The following AMZ1 variants were observed in gnomAD, a reference collection of about 807,000 sequenced individuals.
AMZ1 encodes the protein archaemetzincin-1.
In AMZ1, 39 loss-of-function variants were observed where a neutral mutation model predicts 29.9. The ratio of observed to expected loss-of-function variants is 1.30; its 90% CI spans 1.01 to 1.70. The LOEUF is 1.70. Ranked by LOEUF, AMZ1 falls within the 40% of genes most tolerant of loss-of-function variation. AMZ1 has a pLI of 0.00. For synonymous variants in AMZ1, 458 were observed against 304.0 expected, an observed-to-expected ratio of 1.51 and a Z score of -5.27; for missense variants, 1,041 against 680.6, an observed-to-expected ratio of 1.53 and a Z score of -5.89.
At chr7:2,748,159 C>G (rs1790858288) in intron 4 of AMZ1, among the ~76,000 whole-genome samples, 1 of 150,816 alleles carries the variant, frequency 6.6e-6, no homozygotes, top group African/African-American at 2.4e-5. Flanking sequence ...GAAAAAACTA[C>G]TTTAAAGTTC....
chr7:2,732,770 G>A (rs1358880085), intron 4 of AMZ1, among the ~76,000 whole-genome samples: 1 of 152,086 alleles, frequency 6.6e-6, no homozygotes, highest in Non-Finnish European at 1.5e-5. Flanking sequence ...AAACCCTACA[G>A]GATAAATAAT....
upstream of AMZ1, among the ~76,000 whole-genome samples, chr7:2,683,521 T>A (rs779267600): frequency 6.6e-6 from 1 of 152,152 alleles, no homozygotes. Context: ...CACTGCAAGC[T>A]CCGCCTCCCA....
At chr7:2,753,103 T>C (rs1791116490) in intron 4 of AMZ1, among the ~76,000 whole-genome samples, 2 of 152,142 alleles carry the variant, frequency 1.3e-5, no homozygotes, top group South Asian at 2.1e-4. Context: ...TCTGTTCCTA[T>C]AGTTTTGCCT....
chr7:2,762,621 G>C (rs1324679809), upstream of AMZ1: 1 of 1,551,442 alleles, frequency 6.4e-7, no homozygotes, highest in African/African-American at 1.4e-5. Context: ...TTCCGGATAA[G>C]ACCCCAATGC....
intron 1 of AMZ1, among the ~76,000 whole-genome samples, chr7:2,690,760 T>C (rs1363270532): frequency 2.6e-5 from 4 of 152,102 alleles, no homozygotes; most frequent in Non-Finnish European, 5.9e-5. Flanking sequence ...CCTCCCTGAA[T>C]AACTTAGATG....
At chr7:2,711,067 GCCTGGATCCA>G (rs567698981) in intron 6 of AMZ1, among the ~76,000 whole-genome samples, 154 of 152,348 alleles carry the variant, frequency 1.0e-3, no homozygotes, top group African/African-American at 3.4e-3. Context: ...ACCTGGCATA[GCCTGGATCCA>G]CCTGGATCTG....
intron 1 of AMZ1, among the ~76,000 whole-genome samples, chr7:2,680,028 C>G (rs1028385976): frequency 6.6e-6 from 1 of 152,136 alleles, no homozygotes; most frequent in Non-Finnish European, 1.5e-5. Context: ...GGTAGTGAGA[C>G]GTGGTCTTTG....
chr7:2,680,832 C>G (rs1373485546), intron 1 of AMZ1, among the ~76,000 whole-genome samples: 2 of 152,244 alleles, frequency 1.3e-5, no homozygotes, highest in Non-Finnish European at 2.9e-5. Context: ...CCCTGACGAC[C>G]CTGCTGGTCA....
chr7:2,750,801 T>C (rs1003543912), intron 4 of AMZ1, among the ~76,000 whole-genome samples: 1 of 152,162 alleles, frequency 6.6e-6, no homozygotes, highest in African/African-American at 2.4e-5. Context: ...AGTGTGAAGT[T>C]ACAAAGTGAG....
rs1244684996 is a variant in AMZ1, at chr7:2,709,198, G to T, written c.725G>T (p.Gly242Val). 7.2e-6 allele frequency: 11 copies of T among 1,521,880 alleles called. No homozygotes were observed. The allele number at this position is 1,521,880 out of a possible 1,614,324, so 94.3% of individuals were successfully genotyped here. The change falls in exon 5 of 7, where the codon GGC (glycine) becomes GTC (valine). Residue 242 changes from glycine to valine, a missense_variant. Gly to Val is a moderately radical substitution (Grantham distance 109). Transcript: ENST00000683327. ...DGPEAPLQDR[G>V]WALCFSALGM... The stretch of plus-strand genomic sequence containing the variant: ...CCCGAGGCCCCCCTGCAGGACAGGG[G>T]CTGGGCCCTGTGCTTCAGTGCCCTG...
rs1425011379 is a variant in AMZ1, at chr7:2,700,446, C to T, written c.-6C>T. The T allele has an allele frequency of 6.3e-7, 1 of 1,594,750 alleles. No homozygotes were observed. Among genetic ancestry groups the T allele is most frequent in the East Asian group, 2.2e-5 (1 of 44,770 alleles). ...CCCAGGAGTGGCCAGGCCCTGCCCGCCCACCATGCTGCAGTGTAGACCCGC... is the reference window on the plus strand; with the variant it reads ...CCCAGGAGTGGCCAGGCCCTGCCCGTCCACCATGCTGCAGTGTAGACCCGC... On this transcript the variant is annotated 5_prime_UTR_variant, in exon 2 of 7. Transcript: ENST00000683327.
intron 4 of AMZ1, among the ~76,000 whole-genome samples, chr7:2,742,045 G>C (rs929305782): frequency 1.3e-5 from 2 of 150,960 alleles, no homozygotes; most frequent in African/African-American, 4.9e-5. Flanking sequence ...TTTTTGAGAT[G>C]GAGTCTCACC....
chr7:2,728,870 G>C (rs1477514047), intron 4 of AMZ1: 1 of 152,438 alleles, frequency 6.6e-6, no homozygotes, highest in Non-Finnish European at 1.5e-5. Flanking sequence ...GTCCAGCTCA[G>C]CAAGGCCAAG....
intron 4 of AMZ1, among the ~76,000 whole-genome samples, chr7:2,748,066 T>G (rs897172925): frequency 6.7e-6 from 1 of 150,142 alleles, no homozygotes; most frequent in Non-Finnish European, 1.5e-5. Context: ...ATCGATATCA[T>G]GAAAATGGCC....
At chr7:2,735,411 T>C (rs1044851071) in intron 4 of AMZ1, among the ~76,000 whole-genome samples, 1 of 152,082 alleles carries the variant, frequency 6.6e-6, no homozygotes, top group Non-Finnish European at 1.5e-5. Flanking sequence ...GTGGCACAGA[T>C]GCCCCAGCCA....
rs530150285 is a variant in AMZ1, at chr7:2,754,090, GATGA to G, written n.551-10617_551-10614del. On this transcript the variant is annotated intron_variant and non_coding_transcript_variant, in intron 4 of 4. Transcript: ENST00000489665. ...TGTACCCTTTTACCTCCCCACCAGTGATGAATGAGACCCAGCTTCTCAGTATCCT... is the reference window on the plus strand; with the variant it reads ...TGTACCCTTTTACCTCCCCACCAGTGATGAGACCCAGCTTCTCAGTATCCT... Among the ~76,000 whole-genome samples, 205 of 152,262 alleles carry G rather than the reference GATGA, an allele frequency of 1.3e-3. 2 individuals are homozygous for G. Among genetic ancestry groups the G allele is most frequent in the African/African-American group, 4.5e-3 (187 of 41,540 alleles).
In AMZ1 at chr7:2,716,793, T is replaced by G. The variant is rs1789148079; in HGVS notation, c.*3915T>G. 6.6e-6 allele frequency among the ~76,000 whole-genome samples: 1 copy of G among 152,208 alleles called. No homozygotes were observed. On this transcript the variant is annotated 3_prime_UTR_variant, in exon 7 of 7. Coordinates refer to ENST00000683327, the MANE Select transcript of AMZ1 (RefSeq NM_001384743.1). Reference sequence around the variant, plus strand: ...GGGGTCCTTCCTATGTAACGGAATTTTTTTACATCATCATCGAGTCTCGAA... The same window carrying G: ...GGGGTCCTTCCTATGTAACGGAATTGTTTTACATCATCATCGAGTCTCGAA...
At chr7:2,734,602 CTA>C (rs1191383312) in intron 4 of AMZ1, among the ~76,000 whole-genome samples, 3 of 152,250 alleles carry the variant, frequency 2.0e-5, no homozygotes, top group Non-Finnish European at 2.9e-5. Context: ...CCTGCTCAGT[CTA>C]TCTCTTCCTC....
intron 4 of AMZ1, among the ~76,000 whole-genome samples, chr7:2,751,766 A>T (rs1791051209): frequency 6.6e-6 from 1 of 152,208 alleles, no homozygotes; most frequent in African/African-American, 2.4e-5. Flanking sequence ...TCTTATACGA[A>T]ATGGACAAAT....
Sources: allele counts gnomAD v4.1 joint callset (sites outside exome capture counted in the v4.1 genomes callset), GRCh38; gene constraint gnomAD v4.1.1; transcripts MANE v1.5; gene names NCBI Gene and HGNC (gene_info 2026-07-23, HGNC 2026-07-21).